NGEF: variants seen among roughly 807,000 people sequenced by gnomAD.
NGEF encodes neuronal guanine nucleotide exchange factor, also known as ephexin-1.
A neutral mutation model predicts 80.9 loss-of-function variants in NGEF; 31 were observed. That is an observed-to-expected ratio of 0.38 (90% CI 0.29 to 0.52). The LOEUF is 0.52. Among genes scored for constraint, NGEF ranks in the 20% least tolerant of loss-of-function variants. NGEF has a pLI of 0.84. For missense variants in NGEF, 709 were observed against 926.2 expected (o/e 0.77, Z 3.04); for synonymous variants, 371 against 370.2 (o/e 1.00, Z -0.03).
intron 13 of NGEF, among the ~76,000 whole-genome samples, chr2:232,881,903 C>T (rs939841989): frequency 6.6e-5 from 10 of 152,228 alleles, no homozygotes; most frequent in Admixed American, 6.5e-4. Flanking sequence ...TTTCGGACAA[C>T]TGGCAAACCT....
chr2:232,920,242 C>A (rs201411578), intron 5 of NGEF, 42 bp downstream of exon 5: 1 of 1,575,982 alleles, frequency 6.3e-7, no homozygotes, highest in South Asian at 1.2e-5. Flanking sequence ...AGGGCCACCC[C>A]GGTGTGCTGT....
intron 4 of NGEF, among the ~76,000 whole-genome samples, chr2:232,923,584 A>G (rs1692992506): frequency 6.6e-6 from 1 of 151,900 alleles, no homozygotes; most frequent in African/African-American, 2.4e-5. Context: ...AAAAATACAA[A>G]ATTAGCCAGG....
At chr2:232,976,065 G>A (rs1694286381) in intron 1 of NGEF, among the ~76,000 whole-genome samples, 1 of 152,106 alleles carries the variant, frequency 6.6e-6, no homozygotes, top group South Asian at 2.1e-4. Flanking sequence ...GCTGGGTTTG[G>A]TGGCACATGC....
At chr2:233,012,773 C>G (rs1695240538) in intron 1 of NGEF, 1 of 460,996 alleles carries the variant, frequency 2.2e-6, no homozygotes, top group Admixed American at 2.5e-5. Context: ...AATTATGCAG[C>G]CATTCCTGCT....
At chr2:232,954,729 G>GA (rs11404293) in intron 3 of NGEF, among the ~76,000 whole-genome samples, 56,355 of 134,878 alleles carry the variant, frequency 0.42, 13,083 homozygotes, top group Non-Finnish European at 0.53. Flanking sequence ...CGTCTCAAAA[G>GA]AAAAAAAAAA....
At position 232,879,237 on chromosome 2, in the gene NGEF, T is replaced by G; in HGVS notation, c.*252A>C. 1.3e-5 allele frequency: 5 copies of G among 395,382 alleles called. No homozygotes were observed. The highest frequency in any genetic ancestry group is 1.3e-4 in the South Asian group (2 of 15,936). The allele number at this position is 395,382 out of a possible 1,614,324, so 24.5% of individuals were successfully genotyped here. ...CACCCCCTCGGAGGCATGAGGGAGG[T>G]GGTGTAATACTGCTGAAACCTTCTT... On this transcript the variant is annotated 3_prime_UTR_variant, in exon 15 of 15. Coordinates refer to ENST00000264051, the MANE Select transcript of NGEF (RefSeq NM_019850.3).
intron 5 of NGEF, chr2:232,901,543 C>G (rs763314690): frequency 3.1e-5 from 21 of 667,572 alleles, no homozygotes; most frequent in Non-Finnish European, 3.9e-5. Flanking sequence ...CTGCGGGGGT[C>G]GGAGCCAAAG....
intron 5 of NGEF, among the ~76,000 whole-genome samples, chr2:232,907,441 C>CA (rs1692592468): frequency 6.6e-6 from 1 of 152,158 alleles, no homozygotes; most frequent in Non-Finnish European, 1.5e-5. Flanking sequence ...ACAGAAGTCA[C>CA]TGATTTGGAA....
intron 3 of NGEF, among the ~76,000 whole-genome samples, chr2:232,940,543 C>T (rs1033024339): frequency 3.3e-5 from 5 of 151,684 alleles, no homozygotes; most frequent in South Asian, 2.1e-4. Flanking sequence ...AAATGAGCAG[C>T]GAGGATTTTT....
intron 5 of NGEF, among the ~76,000 whole-genome samples, chr2:232,909,140 T>C (rs1692640229): frequency 6.6e-6 from 1 of 152,234 alleles, no homozygotes; most frequent in African/African-American, 2.4e-5. Flanking sequence ...GCACTGTGTC[T>C]TGCCTTTATT....
At chr2:232,949,599 T>G (rs565295003) in intron 3 of NGEF, among the ~76,000 whole-genome samples, 3 of 151,740 alleles carry the variant, frequency 2.0e-5, no homozygotes, top group Admixed American at 2.0e-4. Flanking sequence ...TGCCTCAGCC[T>G]CCCTAGTAGC....
chr2:233,012,718 A>G, intron 1 of NGEF: 1 of 393,028 alleles, frequency 2.5e-6, no homozygotes, highest in Non-Finnish European at 5.0e-6. Context: ...AAGCCTTACT[A>G]TTTTAACAAG....
rs148719654 is a variant in NGEF, at chr2:232,881,765, C to T, written c.1837+421G>A. The stretch of plus-strand genomic sequence containing the variant: ...GGCTATTCCGTATTTTTAGTAGAGA[C>T]GGGGTTTTGCTATGTTGGCCAGGCT... On this transcript the variant is annotated intron_variant, in intron 13 of 14. Coordinates refer to ENST00000264051, the MANE Select transcript of NGEF (RefSeq NM_019850.3). Among the ~76,000 whole-genome samples the T allele has an allele frequency of 3.6e-3, 552 of 152,194 alleles. 4 individuals are homozygous for T. The highest frequency in any genetic ancestry group is 0.013 in the African/African-American group (528 of 41,520).
chr2:232,932,607 C>A (rs1020569100), intron 3 of NGEF, among the ~76,000 whole-genome samples: 1 of 152,134 alleles, frequency 6.6e-6, no homozygotes, highest in Non-Finnish European at 1.5e-5. Context: ...CAATTTCTGT[C>A]TTAGTTCAGG....
intron 8 of NGEF, chr2:232,890,994 C>T (rs1162642937): frequency 2.1e-6 from 1 of 480,514 alleles, no homozygotes; most frequent in Admixed American, 2.3e-5. Context: ...CTTTCCTCTA[C>T]CTGCCCCCAC....
At chr2:232,887,506 T>G (rs1246487063) in intron 9 of NGEF, among the ~76,000 whole-genome samples, 2 of 150,828 alleles carry the variant, frequency 1.3e-5, no homozygotes, top group Non-Finnish European at 3.0e-5. Context: ...ACTGGGAGAG[T>G]GGCGTGGAGG....
At chr2:232,894,478 T>C in intron 6 of NGEF, 1 of 285,764 alleles carries the variant, frequency 3.5e-6, no homozygotes, top group Non-Finnish European at 6.6e-6. Flanking sequence ...GGACTCAGCG[T>C]CACTCCAACC....
At chr2:232,879,750 G>A in intron 14 of NGEF, 71 bp from the exon 15 acceptor site, 2 of 1,463,142 alleles carry the variant, frequency 1.4e-6, no homozygotes, top group Non-Finnish European at 9.4e-7. Flanking sequence ...GCTCCCTCCT[G>A]GCCAGGGCCC....
At chr2:233,012,733 C>G in intron 1 of NGEF, 2 of 409,034 alleles carry the variant, frequency 4.9e-6, no homozygotes, top group South Asian at 3.7e-5. Context: ...AACAAGGGGC[C>G]CTGCATTTTT....
Sources: allele counts gnomAD v4.1 joint callset (sites outside exome capture counted in the v4.1 genomes callset), GRCh38; gene constraint gnomAD v4.1.1; transcripts MANE v1.5; gene names NCBI Gene and HGNC (gene_info 2026-07-23, HGNC 2026-07-21).